Variants in PCM1 observed in about 807,000 individuals in gnomAD.
PCM1 encodes pericentriolar material 1.
Under a neutral mutation model 241.9 loss-of-function variants are expected in PCM1, and 157 were observed. The ratio of observed to expected loss-of-function variants is 0.65; its 90% CI spans 0.57 to 0.74. The LOEUF is 0.74. PCM1 is among the 30% of genes least tolerant of loss of function. The pLI, the probability that PCM1 is intolerant of heterozygous loss-of-function variation, is 0.00. For synonymous variants in PCM1, 1,085 were observed against 784.9 expected (o/e 1.38, Z -6.39); for missense variants, 3,478 against 2,360.1 (o/e 1.47, Z -9.81).
chr8:17,985,782 T>C (rs2082377915), intron 25 of PCM1, among the ~76,000 whole-genome samples, 163 bp downstream of exon 25: 1 of 151,768 alleles, frequency 6.6e-6, no homozygotes, highest in African/African-American at 2.4e-5. Flanking sequence ...TTAAGTAGCA[T>C]TAAAGTATTT....
intron 15 of PCM1, among the ~76,000 whole-genome samples, chr8:17,961,406 G>A (rs2071971885): frequency 6.8e-6 from 1 of 146,400 alleles, no homozygotes; most frequent in Admixed American, 7.0e-5. Flanking sequence ...CACCTCCTGG[G>A]TTCACGCCAT....
intron 6 of PCM1, among the ~76,000 whole-genome samples, chr8:17,942,499 G>C (rs368802560): frequency 2.0e-5 from 3 of 152,058 alleles, no homozygotes. Context: ...TTAGATGGTA[G>C]TTTGTCAGAT....
chr8:17,939,897 T>C, intron 6 of PCM1, 36 bp downstream of exon 6: 6 of 1,308,146 alleles, frequency 4.6e-6, no homozygotes, highest in Non-Finnish European at 5.3e-6. Flanking sequence ...ATATTATTTT[T>C]GTAGTATCTC....
chr8:17,998,121 C>G (rs1486064137), intron 29 of PCM1, among the ~76,000 whole-genome samples: 2 of 152,024 alleles, frequency 1.3e-5, no homozygotes, highest in Admixed American at 1.3e-4. Flanking sequence ...TTTGAATTCT[C>G]TGTCTGAAAG....
chr8:17,955,263 T>A (rs2067741169), intron 9 of PCM1, among the ~76,000 whole-genome samples: 1 of 152,230 alleles, frequency 6.6e-6, no homozygotes, highest in Admixed American at 6.5e-5. Flanking sequence ...TGATAGAACC[T>A]GTGGAAGAAA....
intron 3 of PCM1, among the ~76,000 whole-genome samples, chr8:17,936,495 T>A (rs963507480): frequency 1.3e-5 from 2 of 152,220 alleles, no homozygotes; most frequent in African/African-American, 4.8e-5. Flanking sequence ...TATTTGAAAC[T>A]ATAAGCACTT....
Position 18,014,619 on chromosome 8 carries a change from C to T in PCM1, c.5620C>T (p.Leu1874Phe). ...QNNCPVKPCY[L>F]NILEDEQPLN... ...TAACTGTCCTGTGAAACCCTGTTACCTCAATATCTTGGAAGATGAGCAACC... is the reference window on the plus strand; with the variant it reads ...TAACTGTCCTGTGAAACCCTGTTACTTCAATATCTTGGAAGATGAGCAACC... Residue 1874 changes from leucine (L) to phenylalanine (F), a missense_variant, in exon 36 of 39, where the codon CTC becomes TTC. Coordinates refer to ENST00000325083, the MANE Select transcript of PCM1 (RefSeq NM_006197.4). 1 of 1,612,300 alleles carries T rather than the reference C, an allele frequency of 6.2e-7. No homozygotes were observed. Among genetic ancestry groups the T allele is most frequent in the East Asian group, 2.2e-5 (1 of 44,850 alleles).
At chr8:17,937,752 G>A (rs896884855) in intron 4 of PCM1, among the ~76,000 whole-genome samples, 2 of 152,098 alleles carry the variant, frequency 1.3e-5, no homozygotes, top group African/African-American at 2.4e-5. Context: ...GTTACCTCAA[G>A]TTTAGAATGA....
intron 4 of PCM1, among the ~76,000 whole-genome samples, chr8:17,937,841 T>C (rs549283221): frequency 1.3e-5 from 2 of 152,296 alleles, no homozygotes; most frequent in South Asian, 2.1e-4. Context: ...TCTTGAGAGA[T>C]ATTTTACTCT....
At chr8:18,020,528 C>G (rs933314112) in intron 36 of PCM1, among the ~76,000 whole-genome samples, 8 of 152,034 alleles carry the variant, frequency 5.3e-5, no homozygotes, top group Non-Finnish European at 1.0e-4. Context: ...ATAGGAAGAC[C>G]AAAACTGTGT....
chr8:18,010,895 C>G (rs1351520661), intron 32 of PCM1, among the ~76,000 whole-genome samples: 2 of 152,150 alleles, frequency 1.3e-5, no homozygotes, highest in Non-Finnish European at 2.9e-5. Context: ...ATTGCTAGAA[C>G]CTGGGAGGCA....
intron 2 of PCM1, among the ~76,000 whole-genome samples, chr8:17,928,558 C>G (rs570111704): frequency 1.3e-5 from 2 of 149,700 alleles, no homozygotes; most frequent in African/African-American, 4.9e-5. Flanking sequence ...CCCGCTTTCT[C>G]AGAGCCCACA....
In PCM1 at chr8:18,029,329, A is replaced by G. The variant is rs759972031; in HGVS notation, c.*1667A>G. On this transcript the variant is annotated 3_prime_UTR_variant, in exon 39 of 39. Coordinates refer to ENST00000325083, the MANE Select transcript of PCM1 (RefSeq NM_006197.4). ...ATAAAACCTATTCAGAAAATTACCA[A>G]TTCAGAATTCGGAGTTCTTATCCAG... is the stretch of plus-strand genomic sequence containing the variant. 2 of 211,726 alleles carry G rather than the reference A, an allele frequency of 9.4e-6. No homozygotes were observed. Among genetic ancestry groups the G allele is most frequent in the African/African-American group, 2.3e-5 (1 of 44,226 alleles). 13.1% of individuals were successfully genotyped at this position (211,726 alleles called of 1,614,324 possible). A position where few individuals can be genotyped will look rare whatever the true frequency, so the allele number is the denominator to read the frequency against.
At chr8:18,013,898 G>C (rs998033983) in intron 34 of PCM1, 66 bp from the exon 35 acceptor site, 1 of 913,312 alleles carries the variant, frequency 1.1e-6, no homozygotes, top group Non-Finnish European at 1.7e-6. Flanking sequence ...CTACACACTA[G>C]TAATCATCTC....
chr8:17,970,946 A>G (rs2076637840), intron 22 of PCM1, among the ~76,000 whole-genome samples: 1 of 152,206 alleles, frequency 6.6e-6, no homozygotes. Flanking sequence ...CAGGGGTCAG[A>G]AAACTTTTCC....
intron 1 of PCM1, among the ~76,000 whole-genome samples, chr8:17,924,349 C>T (rs749014977): frequency 3.3e-5 from 5 of 152,132 alleles, no homozygotes; most frequent in South Asian, 4.1e-4. Context: ...TTAAAATCAT[C>T]GGATATACGA....
chr8:17,923,904 G>A (rs1429648313), intron 1 of PCM1, among the ~76,000 whole-genome samples: 3 of 152,176 alleles, frequency 2.0e-5, no homozygotes, highest in African/African-American at 7.2e-5. Flanking sequence ...AGAAACTGGC[G>A]TTTGGGGATT....
intron 30 of PCM1, among the ~76,000 whole-genome samples, chr8:18,007,193 C>A (rs926298950): frequency 1.3e-5 from 2 of 152,170 alleles, no homozygotes; most frequent in Admixed American, 6.5e-5. Flanking sequence ...TTAGGTGATA[C>A]ATTTTTCTTC....
chr8:17,937,448 T>C, intron 4 of PCM1, 69 bp downstream of exon 4: 3 of 1,344,798 alleles, frequency 2.2e-6, no homozygotes, highest in Non-Finnish European at 3.0e-6. Flanking sequence ...AAATAATTTG[T>C]CTTAGGAATA....
Sources: gnomAD v4.1 joint callset for allele counts (sites outside exome capture counted in the v4.1 genomes callset) on GRCh38, gnomAD v4.1.1 for gene constraint, MANE v1.5 for transcripts, NCBI Gene and HGNC (gene_info 2026-07-23, HGNC 2026-07-21) for gene names.